NRXN1: variants seen among roughly 807,000 people sequenced by gnomAD.
The protein encoded by NRXN1 is neurexin-1.
NRXN1 carries 39 observed loss-of-function variants against 150.9 expected under a neutral mutation model. The observed-to-expected ratio is 0.26, with a 90% CI of 0.20 to 0.34. NRXN1 has a LOEUF of 0.34. Among genes scored for constraint, NRXN1 ranks in the 10% least tolerant of loss-of-function variants. The pLI is 1.00. For synonymous variants in NRXN1, 924 were observed against 757.0 expected (o/e 1.22, Z -3.62); for missense variants, 1,815 against 1,949.9 (o/e 0.93, Z 1.30).
At chr2:50,484,658 G>A (rs1281939948) in intron 15 of NRXN1, among the ~76,000 whole-genome samples, 1 of 152,138 alleles carries the variant, frequency 6.6e-6, no homozygotes, top group African/African-American at 2.4e-5. Flanking sequence ...ATATATAAAG[G>A]ACACACAGCA....
chr2:50,553,595 A>G (rs1667824779), intron 8 of NRXN1, among the ~76,000 whole-genome samples: 1 of 152,244 alleles, frequency 6.6e-6, no homozygotes, highest in Non-Finnish European at 1.5e-5. Context: ...GAAAAAAAAT[A>G]TATAACTAAG....
intron 17 of NRXN1, among the ~76,000 whole-genome samples, chr2:50,271,955 C>T (rs1204908275): frequency 2.0e-5 from 3 of 152,090 alleles, no homozygotes; most frequent in Non-Finnish European, 2.9e-5. Flanking sequence ...AAAAGCCACC[C>T]GAGAGGTAAT....
chr2:50,003,485 C>G (rs1684272558), intron 21 of NRXN1, among the ~76,000 whole-genome samples: 1 of 152,056 alleles, frequency 6.6e-6, no homozygotes, highest in Non-Finnish European at 1.5e-5. Flanking sequence ...TATTTATTCT[C>G]AATTCCTGCT....
chr2:50,985,293 C>T (rs1031042040), intron 2 of NRXN1: 3 of 151,742 alleles, frequency 2.0e-5, no homozygotes, highest in Non-Finnish European at 2.9e-5. Flanking sequence ...AAAGGATCAC[C>T]ACTTTAAAAG....
intron 17 of NRXN1, among the ~76,000 whole-genome samples, chr2:50,255,545 C>T (rs1223464811): frequency 6.6e-6 from 1 of 152,142 alleles, no homozygotes; most frequent in Non-Finnish European, 1.5e-5. Context: ...TCCTTGAACA[C>T]TCAGGTCCCC....
intron 2 of NRXN1, among the ~76,000 whole-genome samples, chr2:50,932,931 T>C (rs1687981626): frequency 1.3e-5 from 2 of 151,944 alleles, no homozygotes; most frequent in African/African-American, 4.8e-5. Context: ...GTTGATTCTA[T>C]AAAGTCTAAG....
At chr2:49,939,495 G>C (rs1344355323) in intron 22 of NRXN1, among the ~76,000 whole-genome samples, 5 of 152,142 alleles carry the variant, frequency 3.3e-5, no homozygotes, top group African/African-American at 1.2e-4. Flanking sequence ...TCAATGTGAA[G>C]TTATCATCCA....
chr2:49,966,059 T>C (rs1447524123), intron 21 of NRXN1, among the ~76,000 whole-genome samples: 2 of 152,338 alleles, frequency 1.3e-5, no homozygotes, highest in African/African-American at 4.8e-5. Flanking sequence ...ATAAATATTT[T>C]CACTTACAGT....
rs187508995 is a variant in NRXN1, at chr2:50,198,182, T to C, written c.3546+38607A>G. Among the ~76,000 whole-genome samples, 19 of 152,220 alleles carry C rather than the reference T, an allele frequency of 1.2e-4. No individual in the cohort carries two copies. In the East Asian group the frequency reaches 3.3e-3, roughly 26 times the overall value. ...AGCTTTATCTTTCCTGGGGATTTTA[T>C]AAAGCCTTGAAAGAATAAAGAATCT... On this transcript the variant is annotated intron_variant, in intron 18 of 22. Coordinates refer to ENST00000401669, the MANE Select transcript of NRXN1 (RefSeq NM_001330078.2).
At chr2:51,030,890 T>C (rs906284589) in intron 1 of NRXN1, among the ~76,000 whole-genome samples, 3 of 151,874 alleles carry the variant, frequency 2.0e-5, no homozygotes, top group Admixed American at 1.3e-4. Context: ...TTTTTTTTTT[T>C]CTTGTGTGTG....
intron 17 of NRXN1, among the ~76,000 whole-genome samples, chr2:50,294,873 G>T (rs1030564966): frequency 6.6e-6 from 1 of 152,110 alleles, no homozygotes; most frequent in Non-Finnish European, 1.5e-5. Context: ...TAAATTACAA[G>T]TCTGTCCAGG....
At chr2:50,000,282 T>A (rs934147535) in intron 21 of NRXN1, among the ~76,000 whole-genome samples, 3 of 152,150 alleles carry the variant, frequency 2.0e-5, no homozygotes, top group African/African-American at 7.2e-5. Context: ...TATCATCTAC[T>A]GGAAAAGAAT....
chr2:51,023,742 T>C (rs558764489), intron 2 of NRXN1, among the ~76,000 whole-genome samples: 2 of 152,324 alleles, frequency 1.3e-5, no homozygotes, highest in African/African-American at 4.8e-5. Flanking sequence ...AAACAATCAG[T>C]ACTTGCTGAA....
chr2:50,120,670 G>C (rs1476953043), intron 18 of NRXN1, among the ~76,000 whole-genome samples: 14 of 151,980 alleles, frequency 9.2e-5, no homozygotes, highest in Non-Finnish European at 1.9e-4. Flanking sequence ...TTACTGATTT[G>C]ATAATAGTAC....
chr2:50,185,426 A>C (rs566422365), intron 18 of NRXN1: 6 of 152,178 alleles, frequency 3.9e-5, no homozygotes, highest in African/African-American at 1.2e-4. Context: ...GATGTAGTCA[A>C]GAAGTTCTCT....
chr2:50,711,267 C>T (rs1695101184), intron 5 of NRXN1, among the ~76,000 whole-genome samples: 1 of 150,422 alleles, frequency 6.6e-6, no homozygotes. Context: ...TCTGAAACAG[C>T]CCTCAGGAAT....
At chr2:50,138,563 T>A (rs1180929342) in intron 18 of NRXN1, among the ~76,000 whole-genome samples, 1 of 152,240 alleles carries the variant, frequency 6.6e-6, no homozygotes, top group Non-Finnish European at 1.5e-5. Flanking sequence ...AGAATTCAAA[T>A]GTAAATTATC....
chr2:50,674,177 A>T (rs2104749153), intron 5 of NRXN1, among the ~76,000 whole-genome samples: 1 of 152,302 alleles, frequency 6.6e-6, no homozygotes, highest in African/African-American at 2.4e-5. Flanking sequence ...CATGGCATTT[A>T]CAGAAGAGTA....
intron 18 of NRXN1, among the ~76,000 whole-genome samples, chr2:50,173,335 G>A (rs188234194): frequency 2.6e-5 from 4 of 152,284 alleles, no homozygotes; most frequent in Admixed American, 1.3e-4. Flanking sequence ...ATTGTTCCTA[G>A]TTCAAAATAT....
Sources: gnomAD v4.1 joint callset for allele counts (sites outside exome capture counted in the v4.1 genomes callset) on GRCh38, gnomAD v4.1.1 for gene constraint, MANE v1.5 for transcripts, NCBI Gene and HGNC (gene_info 2026-07-23, HGNC 2026-07-21) for gene names.